Variants in CAMTA1 observed in about 807,000 individuals in gnomAD.
The protein encoded by CAMTA1 is calmodulin binding transcription activator 1, also known as calmodulin-binding transcription activator 1.
In CAMTA1, 27 loss-of-function variants were observed where a neutral mutation model predicts 170.9. The observed-to-expected ratio is 0.16, with a 90% confidence interval of 0.12 to 0.22. The LOEUF (loss-of-function observed/expected upper bound fraction) is 0.22, where lower values mean the gene tolerates loss of function less well. Among genes scored for constraint, CAMTA1 ranks in the 10% least tolerant of loss-of-function variants. The pLI, the probability that CAMTA1 is intolerant of heterozygous loss-of-function variation, is 1.00. For synonymous variants in CAMTA1, 833 were observed against 891.5 expected, an observed-to-expected ratio of 0.93 and a Z score of 1.17; for missense variants, 1,619 against 2,217.2, an observed-to-expected ratio of 0.73 and a Z score of 5.42.
chr1:7,732,378 C>T lies in CAMTA1; in HGVS notation c.2915-70C>T, dbSNP rs375454459. ...GCATTTGGATGCTGGTCCCGCAAGG[C>T]TGGCGAGGCCACGTGTTGACTGCTT... On this transcript the variant is annotated intron_variant, in intron 11 of 22. Coordinates refer to ENST00000303635, the MANE Select transcript of CAMTA1 (RefSeq NM_015215.4). The surrounding 1 kb of genome is among the most constrained non-coding windows in gnomAD (Gnocchi z 4.1). 3.9e-5 allele frequency: 54 copies of T among 1,393,278 alleles called. 2 individuals are homozygous for T. In the African/African-American group the frequency reaches 7.2e-4, roughly 19 times the overall value. The allele number at this position is 1,393,278 out of a possible 1,614,324, so 86.3% of individuals were successfully genotyped here. A position where few individuals can be genotyped will look rare whatever the true frequency, so the allele number is the denominator to read the frequency against.
At chr1:7,594,352 G>T (rs971766114) in intron 6 of CAMTA1, among the ~76,000 whole-genome samples, 2 of 152,158 alleles carry the variant, frequency 1.3e-5, no homozygotes, top group Non-Finnish European at 2.9e-5. Flanking sequence ...CCGGGGTAAA[G>T]GCACCAAGGC....
chr1:7,336,014 C>T (rs2083362107), intron 5 of CAMTA1, among the ~76,000 whole-genome samples: 1 of 152,244 alleles, frequency 6.6e-6, no homozygotes, highest in Non-Finnish European at 1.5e-5. Context: ...GCAGCCCTCT[C>T]CTGAGCACCT....
intron 5 of CAMTA1, among the ~76,000 whole-genome samples, chr1:7,260,284 G>T (rs540411614): frequency 6.6e-6 from 1 of 152,302 alleles, no homozygotes; most frequent in African/African-American, 2.4e-5. Context: ...GTTTACAGCC[G>T]CCTGATGCTA....
chr1:6,894,737 ACTAG>A (rs1675273038), intron 3 of CAMTA1, among the ~76,000 whole-genome samples: 1 of 152,260 alleles, frequency 6.6e-6, no homozygotes, highest in Admixed American at 6.5e-5. Context: ...ACATCACTGG[ACTAG>A]CTATTTTAAA....
At chr1:7,687,889 C>T (rs1163564409) in intron 11 of CAMTA1, among the ~76,000 whole-genome samples, 1 of 152,186 alleles carries the variant, frequency 6.6e-6, no homozygotes, top group Non-Finnish European at 1.5e-5. Flanking sequence ...GCTCCAGGGC[C>T]CTGACCACTG....
intron 6 of CAMTA1, among the ~76,000 whole-genome samples, chr1:7,472,997 G>A (rs1246716419): frequency 6.6e-6 from 1 of 152,174 alleles, no homozygotes; most frequent in Admixed American, 6.5e-5. Context: ...CTTCTCCATG[G>A]GGCTGCCTCT....
chr1:7,480,209 GCA>G (rs1557782860), intron 6 of CAMTA1, among the ~76,000 whole-genome samples: 6 of 75,118 alleles, frequency 8.0e-5, no homozygotes, highest in African/African-American at 2.4e-4. Context: ...GTGTGTGAGT[GCA>G]TGTGTGTACG....
chr1:7,615,047 A>G (rs1294224438), intron 6 of CAMTA1, among the ~76,000 whole-genome samples: 2 of 152,122 alleles, frequency 1.3e-5, no homozygotes, highest in Non-Finnish European at 2.9e-5. Context: ...TCCTTCATTC[A>G]TTCACTCATT....
At chr1:7,245,851 G>A (rs1376637081) in intron 4 of CAMTA1, among the ~76,000 whole-genome samples, 2 of 152,174 alleles carry the variant, frequency 1.3e-5, no homozygotes, top group Non-Finnish European at 2.9e-5. Context: ...ACCAGTCAGG[G>A]CATGTGGAAG....
At chr1:7,104,745 A>T (rs944632988) in intron 4 of CAMTA1, among the ~76,000 whole-genome samples, 14 of 152,212 alleles carry the variant, frequency 9.2e-5, no homozygotes, top group Non-Finnish European at 1.2e-4. Flanking sequence ...GTCTCCAGGG[A>T]CAAGGGGTCG....
rs140217230 is a variant in CAMTA1, at chr1:7,663,792, C to T, written c.1245C>T (p.Thr415=). 1,678 of 1,614,166 alleles carry T rather than the reference C, an allele frequency of 1.0e-3. 16 individuals carry two copies. In the African/African-American group the frequency reaches 0.019, roughly 18 times the overall value. Residue 415 remains threonine, a synonymous_variant, in exon 9 of 23, where the codon ACC becomes ACT. Coordinates refer to ENST00000303635, the MANE Select transcript of CAMTA1 (RefSeq NM_015215.4). The stretch of plus-strand genomic sequence containing the variant: ...AGGCCGTGTACACCATGTCCCCCAC[C>T]GCTGGCCCCAACCACCACCTCCTCT... ...TNEAVYTMSP[T]AGPNHHLLSP...
chr1:6,848,560 A>C (rs1171866282), intron 3 of CAMTA1, among the ~76,000 whole-genome samples: 1 of 152,224 alleles, frequency 6.6e-6, no homozygotes, highest in African/African-American at 2.4e-5. Context: ...CTGGTGAGGA[A>C]TCCATCCCAG....
chr1:6,924,673 T>G (rs1682731475), intron 3 of CAMTA1, among the ~76,000 whole-genome samples: 1 of 152,236 alleles, frequency 6.6e-6, no homozygotes. Context: ...CAGCTGTATT[T>G]ACTAAGAAGC....
At position 7,153,700 on chromosome 1, in the gene CAMTA1, G is replaced by T. The variant is rs891049321; in HGVS notation, c.302+62329G>T. Among the ~76,000 whole-genome samples the T allele has an allele frequency of 8.1e-4, 123 of 152,270 alleles. 2 individuals are homozygous for T. The highest frequency in any genetic ancestry group is 2.9e-3 in the African/African-American group (120 of 41,554). Reference sequence around the variant, plus strand: ...CCAGTGGGAGGTGATCTGGTGGGCGGGGACATTGCAGCTGCCCTAGGGCTG... The same window carrying T: ...CCAGTGGGAGGTGATCTGGTGGGCGTGGACATTGCAGCTGCCCTAGGGCTG... On this transcript the variant is annotated intron_variant, in intron 4 of 22. Coordinates refer to ENST00000303635, the MANE Select transcript of CAMTA1 (RefSeq NM_015215.4).
intron 3 of CAMTA1, among the ~76,000 whole-genome samples, chr1:7,083,910 G>A (rs1640365641): frequency 6.6e-6 from 1 of 151,358 alleles, no homozygotes; most frequent in African/African-American, 2.4e-5. Flanking sequence ...TAATATAATT[G>A]CATTTTGTGG....
At chr1:7,637,360 C>T (rs1326226177) in intron 6 of CAMTA1, among the ~76,000 whole-genome samples, 1 of 152,254 alleles carries the variant, frequency 6.6e-6, no homozygotes, top group Admixed American at 6.5e-5. Flanking sequence ...CTGCTGGCCC[C>T]TGCAGTCCTT....
At chr1:7,197,215 C>T (rs1237653555) in intron 4 of CAMTA1, among the ~76,000 whole-genome samples, 2 of 152,174 alleles carry the variant, frequency 1.3e-5, no homozygotes, top group African/African-American at 4.8e-5. Flanking sequence ...ACTGAAGCCA[C>T]ACGTGTGTGT....
intron 3 of CAMTA1, among the ~76,000 whole-genome samples, chr1:7,016,747 A>G (rs975512480): frequency 6.6e-6 from 1 of 152,172 alleles, no homozygotes; most frequent in Non-Finnish European, 1.5e-5. Context: ...AGACAGGAGA[A>G]TCACTTGAAC....
At chr1:7,074,637 A>G (rs1277409155) in intron 3 of CAMTA1, among the ~76,000 whole-genome samples, 2 of 152,236 alleles carry the variant, frequency 1.3e-5, no homozygotes. Flanking sequence ...GCTATGTGCC[A>G]GGGAATCTTT....
Sources: allele counts gnomAD v4.1 joint callset (sites outside exome capture counted in the v4.1 genomes callset), GRCh38; gene constraint gnomAD v4.1.1; non-coding constraint Gnocchi (gnomAD v3.1); transcripts MANE v1.5; gene names NCBI Gene and HGNC (gene_info 2026-07-23, HGNC 2026-07-21).